MAGEB10: variants seen among roughly 807,000 people sequenced by gnomAD.
The protein encoded by MAGEB10 is MAGE family member B10, also known as melanoma-associated antigen B10.
For synonymous variants in MAGEB10, 99 were observed against 101.0 expected (o/e 0.98, Z 0.12); for missense variants, 190 against 261.9 (o/e 0.73, Z 1.89).
At position 27,822,618 on chromosome X, in the gene MAGEB10, T is replaced by A; in HGVS notation, c.*268T>A. ...TGCTTTATAAGTCTAATTGGGAAACTCTCCATTTATTTAGTGATCGAAACA... is the reference window on the plus strand; with the variant it reads ...TGCTTTATAAGTCTAATTGGGAAACACTCCATTTATTTAGTGATCGAAACA... On this transcript the variant is annotated 3_prime_UTR_variant, in exon 3 of 3. Transcript: ENST00000356790. The A allele has an allele frequency of 2.9e-6, 1 of 340,254 alleles. No individual in the cohort carries two copies. Among genetic ancestry groups the A allele is most frequent in the East Asian group, 4.7e-5 (1 of 21,367 alleles). 28.0% of individuals were successfully genotyped at this position (340,254 alleles called of 1,213,427 possible). A position where few individuals can be genotyped will look rare whatever the true frequency, so the allele number is the denominator to read the frequency against.
At chrX:27,809,712 C>T (rs1163997020) in intron 1 of MAGEB10, among the ~76,000 whole-genome samples, 14 of 95,681 alleles carry the variant, frequency 1.5e-4, no homozygotes, top group African/African-American at 3.9e-4. Context: ...GCTCCACCTG[C>T]GGCCCCAGTG....
intron 1 of MAGEB10, among the ~76,000 whole-genome samples, chrX:27,817,008 T>C (rs1329697677): frequency 9.1e-6 from 1 of 109,651 alleles, no homozygotes; most frequent in Non-Finnish European, 1.9e-5. Context: ...TAGCATGCTT[T>C]TCCCTTTCAG....
At chrX:27,817,954 G>C (rs1923810700) in intron 2 of MAGEB10, among the ~76,000 whole-genome samples, 1 of 110,875 alleles carries the variant, frequency 9.0e-6, no homozygotes, top group African/African-American at 3.3e-5. Context: ...AGAACTCAGG[G>C]CACGGGGTAG....
At chrX:27,813,101 T>C (rs903492941) in intron 1 of MAGEB10, among the ~76,000 whole-genome samples, 1 of 112,206 alleles carries the variant, frequency 8.9e-6, no homozygotes, top group Non-Finnish European at 1.9e-5. Flanking sequence ...AGATTATAAG[T>C]GATAGTAAGT....
In MAGEB10 at chrX:27,821,481, A is replaced by C. The variant is rs750728738; in HGVS notation, c.175A>C (p.Asn59His). The change falls in exon 3 of 3, where the codon AAC becomes CAC. Residue 59 changes from asparagine to histidine, a missense_variant. Asn to His is a moderately conservative substitution (Grantham distance 68). Coordinates refer to ENST00000356790, the MANE Select transcript of MAGEB10 (RefSeq NM_182506.3). ...VFQSSLDGAS[N>H]NPHGLREAQS... ...CCAGAGTTCACTTGATGGGGCATCC[A>C]ACAATCCCCATGGACTTCGGGAAGC... The C allele has an allele frequency of 1.6e-5, 19 of 1,209,341 alleles. No homozygotes were observed. The highest frequency in any genetic ancestry group is 2.0e-5 in the Non-Finnish European group (18 of 895,063).
intron 2 of MAGEB10, among the ~76,000 whole-genome samples, chrX:27,818,073 T>A (rs1008366825): frequency 9.0e-6 from 1 of 111,198 alleles, no homozygotes; most frequent in Non-Finnish European, 1.9e-5. Flanking sequence ...GCCTTGGCAA[T>A]CTCTGAATCA....
intron 1 of MAGEB10, among the ~76,000 whole-genome samples, chrX:27,815,690 C>A (rs757698039): frequency 3.6e-5 from 4 of 112,086 alleles, no homozygotes; most frequent in Non-Finnish European, 7.5e-5. Flanking sequence ...AAATTGGATT[C>A]CTATAAATCC....
At chrX:27,811,495 G>T (rs991179570) in intron 1 of MAGEB10, among the ~76,000 whole-genome samples, 2 of 111,341 alleles carry the variant, frequency 1.8e-5, no homozygotes, top group African/African-American at 6.5e-5. Context: ...AAACAGTTCA[G>T]CAGTGAGATA....
chrX:27,815,264 A>C (rs1369241916), intron 1 of MAGEB10, among the ~76,000 whole-genome samples: 1 of 112,315 alleles, frequency 8.9e-6, no homozygotes, highest in Non-Finnish European at 1.9e-5. Context: ...CTTTCTCCTG[A>C]CTTAGAGCTT....
At chrX:27,808,189 A>C (rs1223689934) in intron 1 of MAGEB10, among the ~76,000 whole-genome samples, 153 bp downstream of exon 1, 1 of 112,038 alleles carries the variant, frequency 8.9e-6, no homozygotes, top group Non-Finnish European at 1.9e-5. Flanking sequence ...AGAGTCAGGG[A>C]AGTGATAGCA....
chrX:27,822,337 C>A lies in MAGEB10; in HGVS notation c.1031C>A (p.Ser344Tyr), dbSNP rs758756282. ...ARSKVKSSKS[S>Y]QLQ ...TCCAAGGTTAAGTCCAGCAAGTCCTCCCAACTGCAGTAAAGTCTGAGGGAG... is the reference window on the plus strand; with the variant it reads ...TCCAAGGTTAAGTCCAGCAAGTCCTACCAACTGCAGTAAAGTCTGAGGGAG... The change falls in exon 3 of 3, where the codon TCC becomes TAC. Residue 344 changes from serine (S) to tyrosine (Y), a missense_variant. Coordinates refer to ENST00000356790, the MANE Select transcript of MAGEB10 (RefSeq NM_182506.3). The A allele has an allele frequency of 8.3e-7, 1 of 1,205,295 alleles. No individual in the cohort carries two copies. The highest frequency in any genetic ancestry group is 1.1e-6 in the Non-Finnish European group (1 of 892,400).
chrX:27,808,823 C>T (rs892900025), intron 1 of MAGEB10, among the ~76,000 whole-genome samples: 3 of 111,871 alleles, frequency 2.7e-5, no homozygotes, highest in South Asian at 7.4e-4. Flanking sequence ...CCGGTCCCCA[C>T]AGAGCCCAGC....
chrX:27,811,998 C>T (rs140339686), intron 1 of MAGEB10: 3,697 of 120,480 alleles, frequency 0.031, 70 homozygotes, highest in African/African-American at 0.066. Flanking sequence ...AGGAGAGTCC[C>T]TCACTTCATC....
Position 27,822,604 on chromosome X carries a change from T to A in MAGEB10, c.*254T>A. On this transcript the variant is annotated 3_prime_UTR_variant, in exon 3 of 3. Transcript: ENST00000356790. ...AGTAAGCGATTTATTGCTTTATAAG[T>A]CTAATTGGGAAACTCTCCATTTATT... is the stretch of plus-strand genomic sequence containing the variant. The A allele has an allele frequency of 2.8e-6, 1 of 350,935 alleles. No individual in the cohort carries two copies. Among genetic ancestry groups the A allele is most frequent in the Non-Finnish European group, 5.1e-6 (1 of 197,525 alleles). The allele number at this position is 350,935 out of a possible 1,213,427, so 28.9% of individuals were successfully genotyped here.
chrX:27,812,675 C>T, intron 1 of MAGEB10: 1 of 341,531 alleles, frequency 2.9e-6, no homozygotes, highest in South Asian at 3.0e-5. Flanking sequence ...AAGTGCCCAA[C>T]AGCAGTCCTC....
chrX:27,809,906 T>C (rs1468430975), intron 1 of MAGEB10, among the ~76,000 whole-genome samples: 1 of 109,431 alleles, frequency 9.1e-6, no homozygotes, highest in African/African-American at 3.3e-5. Context: ...GGACACTCTG[T>C]ATCCAGCTAC....
chrX:27,808,208 A>G (rs915496422), intron 1 of MAGEB10, among the ~76,000 whole-genome samples, 172 bp downstream of exon 1: 2 of 112,203 alleles, frequency 1.8e-5, no homozygotes, highest in African/African-American at 6.5e-5. Flanking sequence ...CATTGGGCTA[A>G]GGTGCTGGCA....
In MAGEB10 at chrX:27,821,696, G is replaced by A. The variant is rs1455157256; in HGVS notation, c.390G>A (p.Glu130=). The A allele has an allele frequency of 8.3e-7, 1 of 1,211,896 alleles. No individual in the cohort carries two copies. Among genetic ancestry groups the A allele is most frequent in the Admixed American group, 2.2e-5 (1 of 46,054 alleles). ...HYLLYKYQMK[E]PITKADMLRN... ...TGCTGTACAAGTACCAAATGAAAGAGCCCATTACAAAGGCAGATATGCTGA... is the reference window on the plus strand; with the variant it reads ...TGCTGTACAAGTACCAAATGAAAGAACCCATTACAAAGGCAGATATGCTGA... Residue 130 remains glutamate (E), a synonymous_variant, in exon 3 of 3, where the codon GAG becomes GAA. Coordinates refer to ENST00000356790, the MANE Select transcript of MAGEB10 (RefSeq NM_182506.3).
At chrX:27,814,377 T>A (rs1923743989) in intron 1 of MAGEB10, among the ~76,000 whole-genome samples, 1 of 111,475 alleles carries the variant, frequency 9.0e-6, no homozygotes, top group African/African-American at 3.3e-5. Flanking sequence ...TGGAAGGAAT[T>A]AGTCTTTGAC....
Sources: allele counts gnomAD v4.1 joint callset (sites outside exome capture counted in the v4.1 genomes callset), GRCh38; gene constraint gnomAD v4.1.1; transcripts MANE v1.5; gene names NCBI Gene and HGNC (gene_info 2026-07-23, HGNC 2026-07-21).